Variants in CREB5 observed in about 807,000 individuals in gnomAD.
CREB5 encodes the protein cAMP responsive element binding protein 5.
Under a neutral mutation model 57.1 loss-of-function variants are expected in CREB5, and 19 were observed. The ratio of observed to expected loss-of-function variants is 0.33; its 90% CI spans 0.23 to 0.49. The LOEUF is 0.49. Ranked by LOEUF, CREB5 falls within the 20% of genes least tolerant of loss-of-function variation. The pLI is 0.99. For synonymous variants in CREB5, 238 were observed against 238.3 expected (o/e 1.00, Z 0.01); for missense variants, 579 against 671.6 (o/e 0.86, Z 1.52).
intron 5 of CREB5, among the ~76,000 whole-genome samples, chr7:28,609,271 A>T (rs180791549): frequency 6.6e-6 from 1 of 152,088 alleles, no homozygotes; most frequent in African/African-American, 2.4e-5. Context: ...TTGGGGTCCT[A>T]TGTCTGTGGG....
At chr7:28,452,010 G>A (rs1331641428) in intron 1 of CREB5, among the ~76,000 whole-genome samples, 4 of 152,126 alleles carry the variant, frequency 2.6e-5, no homozygotes, top group African/African-American at 7.2e-5. Flanking sequence ...TCCCTTTACC[G>A]AGGGAGAAAG....
intron 9 of CREB5, among the ~76,000 whole-genome samples, chr7:28,816,937 G>A (rs549829698): frequency 2.4e-4 from 37 of 152,184 alleles, no homozygotes; most frequent in African/African-American, 4.1e-4. Context: ...CTACATTTAC[G>A]TTCACTTTTA....
At chr7:28,434,459 C>T (rs1314050542) in intron 1 of CREB5, among the ~76,000 whole-genome samples, 2 of 151,978 alleles carry the variant, frequency 1.3e-5, no homozygotes, top group African/African-American at 4.8e-5. Flanking sequence ...TTACCCCATG[C>T]TAGGTGAATT....
chr7:28,458,658 G>A (rs1367490132), intron 1 of CREB5, among the ~76,000 whole-genome samples: 2 of 152,184 alleles, frequency 1.3e-5, no homozygotes, highest in African/African-American at 4.8e-5. Context: ...ACAGACCTGG[G>A]TTTGAATCCC....
At chr7:28,603,283 A>G (rs1796991578) in intron 5 of CREB5, among the ~76,000 whole-genome samples, 1 of 152,234 alleles carries the variant, frequency 6.6e-6, no homozygotes, top group Non-Finnish European at 1.5e-5. Context: ...ATTCAACGGT[A>G]GAAAACTTTA....
At chr7:28,657,717 G>GGAA (rs748458566) in intron 5 of CREB5, among the ~76,000 whole-genome samples, 3 of 54,034 alleles carry the variant, frequency 5.6e-5, no homozygotes, top group Admixed American at 4.7e-4. Flanking sequence ...ACTCTCTCTC[G>GGAA]AAAAAAAAAA....
chr7:28,817,696 A>T lies in CREB5; in HGVS notation c.1255-375A>T, dbSNP rs192353233. Among the ~76,000 whole-genome samples the T allele has an allele frequency of 2.2e-3, 329 of 152,218 alleles. 2 individuals carry two copies. The highest frequency in any genetic ancestry group is 7.5e-3 in the African/African-American group (313 of 41,550). On this transcript the variant is annotated intron_variant, in intron 9 of 10. Transcript: ENST00000357727. ...ATCCTCATAGTAACACAAATAATGT[A>T]CTCTTCTTATCCCCATCTTATAACG...
chr7:28,508,835 A>G (rs1207174510), intron 4 of CREB5, among the ~76,000 whole-genome samples: 1 of 152,188 alleles, frequency 6.6e-6, no homozygotes, highest in Admixed American at 6.5e-5. Context: ...CTCAAAGGAT[A>G]TGAAGTGCCT....
chr7:28,672,928 A>AT (rs1800123201), intron 5 of CREB5, among the ~76,000 whole-genome samples: 1 of 152,182 alleles, frequency 6.6e-6, no homozygotes, highest in Non-Finnish European at 1.5e-5. Context: ...TTTTCCATAA[A>AT]TTTGAAGTAA....
intron 3 of CREB5, among the ~76,000 whole-genome samples, chr7:28,497,464 G>A (rs186365057): frequency 3.8e-4 from 58 of 152,306 alleles, no homozygotes; most frequent in South Asian, 3.7e-3. Context: ...AGAAAATGAA[G>A]AGAAAAACAG....
At chr7:28,742,410 C>A (rs1363661825) in intron 7 of CREB5, among the ~76,000 whole-genome samples, 3 of 151,442 alleles carry the variant, frequency 2.0e-5, no homozygotes, top group Non-Finnish European at 4.4e-5. Flanking sequence ...ACTAAAAATA[C>A]AAAAAATTAG....
chr7:28,708,092 C>T (rs186097570), intron 5 of CREB5, among the ~76,000 whole-genome samples: 4 of 152,238 alleles, frequency 2.6e-5, no homozygotes, highest in East Asian at 3.9e-4. Context: ...TTGATCACAG[C>T]GGTGATTGAG....
intron 5 of CREB5, among the ~76,000 whole-genome samples, chr7:28,675,622 A>T (rs1800282286): frequency 6.6e-6 from 1 of 152,180 alleles, no homozygotes; most frequent in African/African-American, 2.4e-5. Context: ...ATCAAGTAAC[A>T]CCAAATAGCC....
intron 1 of CREB5, among the ~76,000 whole-genome samples, chr7:28,470,177 C>A (rs905280623): frequency 6.6e-6 from 1 of 152,144 alleles, no homozygotes; most frequent in Non-Finnish European, 1.5e-5. Context: ...TTCATTCTAA[C>A]TATTTTTTTG....
chr7:28,546,522 G>C (rs1415971873), intron 4 of CREB5, among the ~76,000 whole-genome samples: 1 of 152,048 alleles, frequency 6.6e-6, no homozygotes, highest in Non-Finnish European at 1.5e-5. Context: ...ACAATTTGAG[G>C]GTTCCCGTTG....
chr7:28,731,304 TAAGAG>T (rs1355035346), intron 7 of CREB5, among the ~76,000 whole-genome samples: 1 of 152,218 alleles, frequency 6.6e-6, no homozygotes, highest in African/African-American at 2.4e-5. Context: ...AGGTCATTGA[TAAGAG>T]AAGGGCTAGC....
At chr7:28,647,730 A>C (rs1798941279) in intron 5 of CREB5, among the ~76,000 whole-genome samples, 1 of 152,166 alleles carries the variant, frequency 6.6e-6, no homozygotes, top group Admixed American at 6.5e-5. Context: ...ACTTTCAGCA[A>C]TAATGGAAAT....
At chr7:28,299,396 G>T (rs551291884) in exon 1 of CREB5, 2 of 152,342 alleles carry the variant, frequency 1.3e-5, no homozygotes, top group South Asian at 2.1e-4. Flanking sequence ...ACTGCCTAAA[G>T]CATTTATGCT....
At chr7:28,500,326 G>T (rs217502) in intron 3 of CREB5, among the ~76,000 whole-genome samples, 110,890 of 152,006 alleles carry the variant, frequency 0.73, 41,057 homozygotes, top group African/African-American at 0.82. Flanking sequence ...CTCCCTGACC[G>T]CTGGATGTGG....
Sources: gnomAD v4.1 joint callset for allele counts (sites outside exome capture counted in the v4.1 genomes callset) on GRCh38, gnomAD v4.1.1 for gene constraint, MANE v1.5 for transcripts, NCBI Gene and HGNC (gene_info 2026-07-23, HGNC 2026-07-21) for gene names.